ZC3H6: variants seen among roughly 807,000 people sequenced by gnomAD.
ZC3H6 encodes the protein zinc finger CCCH domain-containing protein 6.
In ZC3H6, 40 loss-of-function variants were observed where a neutral mutation model predicts 107.7. The ratio of observed to expected loss-of-function variants is 0.37; its 90% CI spans 0.29 to 0.48. The LOEUF is 0.48. Among genes scored for constraint, ZC3H6 ranks in the 20% least tolerant of loss-of-function variants. The probability of loss-of-function intolerance (pLI) is 0.98; values close to 1 mark genes in which losing one functional copy is unlikely to be tolerated. For synonymous variants in ZC3H6, 493 were observed against 487.9 expected (o/e 1.01, Z -0.14); for missense variants, 1,267 against 1,410.4 (o/e 0.90, Z 1.63).
chr2:112,290,372 C>A (rs1676088046), intron 1 of ZC3H6, among the ~76,000 whole-genome samples: 1 of 152,242 alleles, frequency 6.6e-6, no homozygotes, highest in South Asian at 2.1e-4. Flanking sequence ...CAGGCAGACT[C>A]CTCATCTCAG....
rs891660534 is a variant in ZC3H6 at position 112,324,768 on chromosome 2, T to C, written c.1852+105T>C. On this transcript the variant is annotated intron_variant, in intron 10 of 11. Transcript: ENST00000409871. The stretch of plus-strand genomic sequence containing the variant: ...AAGTTTTAAGTAAAGCTGAGTAAAA[T>C]TGATAAGATTGAAACCTTAAAATGT... 4.8e-6 allele frequency: 6 copies of C among 1,239,328 alleles called. No homozygotes were observed. The African/African-American group carries it at 9.2e-5, about 19-fold the overall frequency. The allele number at this position is 1,239,328 out of a possible 1,614,324, so 76.8% of individuals were successfully genotyped here.
rs573096557 is a variant in ZC3H6 at position 112,275,924 on chromosome 2, G to A, written c.-71G>A. ...CAGGTTCCCGCAGGCGGCGCGGGGG[G>A]TCTTCCCCGCGCCCCGCCGCCGCCG... On this transcript the variant is annotated 5_prime_UTR_variant, in exon 1 of 12. Coordinates refer to ENST00000409871, the MANE Select transcript of ZC3H6 (RefSeq NM_198581.3). The A allele has an allele frequency of 7.2e-4, 1,012 of 1,401,442 alleles. 3 individuals carry two copies. The African/African-American group carries it at 0.013, about 19-fold the overall frequency. 86.8% of individuals were successfully genotyped at this position (1,401,442 alleles called of 1,614,324 possible).
At chr2:112,303,138 G>A in intron 2 of ZC3H6, 91 bp from the exon 3 acceptor site, 1 of 1,458,392 alleles carries the variant, frequency 6.9e-7, no homozygotes, top group Non-Finnish European at 9.3e-7. Context: ...TCTACTGGTT[G>A]GTACCTCTGG....
At chr2:112,298,468 C>A (rs1302157949) in intron 1 of ZC3H6, among the ~76,000 whole-genome samples, 1 of 152,210 alleles carries the variant, frequency 6.6e-6, no homozygotes, top group Non-Finnish European at 1.5e-5. Flanking sequence ...TAAAGATGAT[C>A]TAAATTGGTG....
In ZC3H6 at chr2:112,336,421, T is replaced by C. The variant is rs1573969792; in HGVS notation, c.*3933T>C. On this transcript the variant is annotated 3_prime_UTR_variant, in exon 12 of 12. Transcript: ENST00000409871. Reference sequence around the variant, plus strand: ...TTTTCAAAAATGGTTTGGCAGCACTTGATGACATTATGTTCAAAATTAAGT... The same window carrying C: ...TTTTCAAAAATGGTTTGGCAGCACTCGATGACATTATGTTCAAAATTAAGT... 6.6e-6 allele frequency: 1 copy of C among 152,212 alleles called. No homozygotes were observed. Among genetic ancestry groups the C allele is most frequent in the East Asian group, 1.9e-4 (1 of 5,198 alleles). 9.4% of individuals were successfully genotyped at this position (152,212 alleles called of 1,614,324 possible).
chr2:112,304,864 A>G (rs1676445809), intron 3 of ZC3H6, among the ~76,000 whole-genome samples: 1 of 152,136 alleles, frequency 6.6e-6, no homozygotes, highest in South Asian at 2.1e-4. Flanking sequence ...TATTTTTGTT[A>G]GAGTTATTTC....
chr2:112,328,854 G>T (rs933761706), intron 11 of ZC3H6, among the ~76,000 whole-genome samples: 1 of 151,234 alleles, frequency 6.6e-6, no homozygotes, highest in Non-Finnish European at 1.5e-5. Context: ...CAGGAGAATC[G>T]CTTGAACCCA....
chr2:112,275,704 C>A lies in ZC3H6; in HGVS notation c.-291C>A. 1 of 417,506 alleles carries A rather than the reference C, an allele frequency of 2.4e-6. No homozygotes were observed. The highest frequency in any genetic ancestry group is 7.0e-5 in the South Asian group (1 of 14,198). The allele number at this position is 417,506 out of a possible 1,614,324, so 25.9% of individuals were successfully genotyped here. ...CGTCGCTGCACGCCGCCCGCCCGCT[C>A]CCACGCCACAGCCACCGGCGGCGAA... On this transcript the variant is annotated 5_prime_UTR_variant, in exon 1 of 12. Transcript: ENST00000409871.
chr2:112,325,088 CCTCCTCCCTGCAGTGCAAAGAG>C lies in ZC3H6; in HGVS notation c.1981_2002del (p.Leu661PhefsTer3). 1 of 1,613,990 alleles carries C rather than the reference CCTCCTCCCTGCAGTGCAAAGAG, an allele frequency of 6.2e-7. No homozygotes were observed. The highest frequency in any genetic ancestry group is 8.5e-7 in the Non-Finnish European group (1 of 1,179,878). Reference sequence around the variant, plus strand: ...GCCATGGCCCTCTGCCTGTACCAGGCCTCCTCCCTGCAGTGCAAAGAGCTCTTTTTGTAAGACTTACTCAGAG... The same window carrying C: ...GCCATGGCCCTCTGCCTGTACCAGGCCTCTTTTTGTAAGACTTACTCAGAG... On this transcript the variant is annotated frameshift_variant, in exon 11 of 12. Coordinates refer to ENST00000409871, the MANE Select transcript of ZC3H6 (RefSeq NM_198581.3). LOFTEE classifies it high-confidence loss of function.
At chr2:112,310,802 G>A (rs113809337) in intron 4 of ZC3H6, among the ~76,000 whole-genome samples, 1 of 152,170 alleles carries the variant, frequency 6.6e-6, no homozygotes, top group African/African-American at 2.4e-5. Flanking sequence ...AAATGAAGTA[G>A]TGAGGAGCCA....
chr2:112,276,112 G>C (rs1384214915), intron 1 of ZC3H6, 86 bp downstream of exon 1: 1 of 1,257,140 alleles, frequency 8.0e-7, no homozygotes, highest in Non-Finnish European at 1.1e-6. Context: ...GGCGCCTCCT[G>C]CATGACCTAG....
chr2:112,316,623 C>A, intron 6 of ZC3H6, 37 bp downstream of exon 6: 1 of 1,292,876 alleles, frequency 7.7e-7, no homozygotes, highest in Non-Finnish European at 1.1e-6. Flanking sequence ...ATTTTAACTT[C>A]CAAAATAATC....
Position 112,311,865 on chromosome 2 carries a change from C to G in ZC3H6, c.675C>G (p.Ile225Met), listed in dbSNP as rs1294154733. 5 of 1,613,440 alleles carry G rather than the reference C, an allele frequency of 3.1e-6. No homozygotes were observed. The highest frequency in any genetic ancestry group is 4.5e-5 in the East Asian group (2 of 44,826). ...GTGGACGTGGCTTGCCGAAGAAAAT[C>G]AAACGAAAAGAACGTGGGGGAAGAA... is the stretch of plus-strand genomic sequence containing the variant. ...VGRGRGLPKKIKRKERGGRTN... is the reference protein window; with the variant it reads ...VGRGRGLPKKMKRKERGGRTN... Residue 225 changes from isoleucine (I) to methionine (M), a missense_variant, in exon 5 of 12, where the codon ATC becomes ATG. Around this residue, in one of 3 missense-constraint regions of ZC3H6, gnomAD observed 337 missense variants for 361.2 expected, o/e 0.93. Coordinates refer to ENST00000409871, the MANE Select transcript of ZC3H6 (RefSeq NM_198581.3).
chr2:112,314,144 G>A (rs964148398), intron 5 of ZC3H6, among the ~76,000 whole-genome samples: 14 of 151,798 alleles, frequency 9.2e-5, no homozygotes, highest in African/African-American at 2.9e-4. Flanking sequence ...ACAGTAGGTA[G>A]CTTGGTTTTT....
chr2:112,289,987 C>T (rs1300774952), intron 1 of ZC3H6, among the ~76,000 whole-genome samples: 1 of 152,048 alleles, frequency 6.6e-6, no homozygotes, highest in African/African-American at 2.4e-5. Context: ...CCAGTTCACC[C>T]TCCTTGGCCT....
At chr2:112,280,068 AT>A (rs1415855444) in intron 1 of ZC3H6, among the ~76,000 whole-genome samples, 1 of 151,848 alleles carries the variant, frequency 6.6e-6, no homozygotes, top group Admixed American at 6.6e-5. Context: ...CCTTTTCATT[AT>A]TTTTTTCATT....
chr2:112,331,217 G>A lies in ZC3H6; in HGVS notation c.2299G>A (p.Asp767Asn), dbSNP rs778119675. The A allele has an allele frequency of 1.9e-6, 3 of 1,613,170 alleles. No homozygotes were observed. The highest frequency in any genetic ancestry group is 2.5e-6 in the Non-Finnish European group (3 of 1,179,720). Residue 767 changes from aspartate (D) to asparagine (N), a missense_variant, in exon 12 of 12, where the codon GAC becomes AAC. Around this residue, in one of 3 missense-constraint regions of ZC3H6, gnomAD observed 925 missense variants for 1,025.7 expected, o/e 0.90. Transcript: ENST00000409871. Reference sequence around the variant, plus strand: ...TAGGCTTAGGACTATCCCAAGGCAAGACATTAGAAAGCCTTCTGAGTCTGC... The same window carrying A: ...TAGGCTTAGGACTATCCCAAGGCAAAACATTAGAAAGCCTTCTGAGTCTGC... The part of the protein sequence containing the change: ...DPRLRTIPRQ[D>N]IRKPSESAPL...
intron 7 of ZC3H6, among the ~76,000 whole-genome samples, chr2:112,321,015 G>C (rs1676791333): frequency 6.6e-6 from 1 of 151,916 alleles, no homozygotes; most frequent in Admixed American, 6.5e-5. Flanking sequence ...GTTGCCTTTT[G>C]CATCTGCCAA....
intron 1 of ZC3H6, among the ~76,000 whole-genome samples, chr2:112,279,125 C>T (rs1438711034): frequency 1.3e-5 from 2 of 152,128 alleles, no homozygotes; most frequent in Non-Finnish European, 2.9e-5. Context: ...TGCATAAGCC[C>T]AGAGCCTAGT....
Sources: gnomAD v4.1 joint callset for allele counts (sites outside exome capture counted in the v4.1 genomes callset) on GRCh38, gnomAD v4.1.1 for gene constraint, gnomAD v4.1.1 regional missense constraint, MANE v1.5 for transcripts, NCBI Gene and HGNC (gene_info 2026-07-23, HGNC 2026-07-21) for gene names.